The following TMTC1 variants were observed in gnomAD, a reference collection of about 807,000 sequenced individuals.
TMTC1 encodes the protein transmembrane O-mannosyltransferase targeting cadherins 1, also known as protein O-mannosyl-transferase TMTC1.
TMTC1 carries 73 observed loss-of-function variants against 104.8 expected under a neutral mutation model. The ratio of observed to expected loss-of-function variants is 0.70; its 90% CI spans 0.58 to 0.85. TMTC1 has a LOEUF of 0.85. TMTC1 is among the 40% of genes least tolerant of loss of function. TMTC1 has a pLI of 0.00. For missense variants in TMTC1, 1,035 were observed against 1,096.1 expected, an observed-to-expected ratio of 0.94 and a Z score of 0.79; for synonymous variants, 434 against 428.7, an observed-to-expected ratio of 1.01 and a Z score of -0.15.
At chr12:29,768,515 T>C (rs1193701981) in intron 1 of TMTC1, among the ~76,000 whole-genome samples, 1 of 152,164 alleles carries the variant, frequency 6.6e-6, no homozygotes, top group East Asian at 1.9e-4. Context: ...ACTACGATTA[T>C]AGTCACAGTT....
intron 7 of TMTC1, among the ~76,000 whole-genome samples, chr12:29,590,857 T>A (rs1398965407): frequency 6.6e-6 from 1 of 152,158 alleles, no homozygotes; most frequent in Non-Finnish European, 1.5e-5. Context: ...TTGGAGTGTG[T>A]AAATTCAGGG....
chr12:29,517,384 C>T, intron 14 of TMTC1, 43 bp downstream of exon 14: 4 of 1,611,640 alleles, frequency 2.5e-6, no homozygotes, highest in Non-Finnish European at 3.4e-6. Context: ...CTATGGCTGC[C>T]TGTGCTTAGG....
intron 5 of TMTC1, among the ~76,000 whole-genome samples, chr12:29,712,310 T>A (rs576409448): frequency 6.6e-6 from 1 of 152,312 alleles, no homozygotes; most frequent in Non-Finnish European, 1.5e-5. Flanking sequence ...CAAGAAAACA[T>A]CTAACCACAA....
chr12:29,708,431 C>T (rs939195053), intron 5 of TMTC1, among the ~76,000 whole-genome samples: 6 of 152,150 alleles, frequency 3.9e-5, no homozygotes, highest in African/African-American at 4.8e-5. Flanking sequence ...AATAATTTGT[C>T]GAAGTCACTT....
intron 5 of TMTC1, among the ~76,000 whole-genome samples, chr12:29,674,559 C>T (rs1238021055): frequency 2.0e-5 from 3 of 152,216 alleles, no homozygotes; most frequent in African/African-American, 7.2e-5. Flanking sequence ...GAAGACAAAG[C>T]TATAATTCAG....
At chr12:29,660,937 T>A (rs932900813) in intron 5 of TMTC1, 1 of 1,124,860 alleles carries the variant, frequency 8.9e-7, no homozygotes, top group Non-Finnish European at 1.2e-6. Flanking sequence ...CCAGACACAA[T>A]GTTCTCCTTT....
chr12:29,707,555 C>T (rs1941782499), intron 5 of TMTC1, among the ~76,000 whole-genome samples: 1 of 152,124 alleles, frequency 6.6e-6, no homozygotes, highest in Admixed American at 6.6e-5. Flanking sequence ...CTTCTGATAG[C>T]CACTAGCCCT....
At chr12:29,689,145 A>G (rs78222999) in intron 5 of TMTC1, among the ~76,000 whole-genome samples, 21,056 of 150,494 alleles carry the variant, frequency 0.14, 1,739 homozygotes, top group East Asian at 0.34. Flanking sequence ...GAGAACTTGA[A>G]GAAACTTGGC....
At chr12:29,763,360 C>G (rs441394) in intron 2 of TMTC1, among the ~76,000 whole-genome samples, 133,811 of 152,234 alleles carry the variant, frequency 0.88, 60,225 homozygotes, top group East Asian at 0.99. Flanking sequence ...GGGGCAAAAG[C>G]CTAGATATCT....
chr12:29,711,689 A>G (rs955362538), intron 5 of TMTC1, among the ~76,000 whole-genome samples: 9 of 152,140 alleles, frequency 5.9e-5, no homozygotes, highest in African/African-American at 1.9e-4. Context: ...ATTAATTGGC[A>G]AAGAGCTCTG....
At chr12:29,518,793 C>T (rs1436894311) in intron 12 of TMTC1, among the ~76,000 whole-genome samples, 186 bp from the exon 13 acceptor site, 1 of 152,214 alleles carries the variant, frequency 6.6e-6, no homozygotes, top group Non-Finnish European at 1.5e-5. Flanking sequence ...TGAACAATTT[C>T]ACTGTTCATT....
intron 7 of TMTC1, among the ~76,000 whole-genome samples, chr12:29,584,717 G>A (rs1285866547): frequency 6.6e-6 from 1 of 151,950 alleles, no homozygotes; most frequent in African/African-American, 2.4e-5. Flanking sequence ...CTGATAGTTT[G>A]CTGAGAATGA....
At position 29,776,477 on chromosome 12, in the gene TMTC1, A is replaced by G. The variant is rs138800443; in HGVS notation, c.302+6973T>C. ...TAAACCAAGCAGACTTTTTCTCTAC[A>G]TTATAATCATGTAGCCTTACCTTAG... is the stretch of plus-strand genomic sequence containing the variant. On this transcript the variant is annotated intron_variant, in intron 1 of 17. Transcript: ENST00000539277. 7.0e-3 allele frequency among the ~76,000 whole-genome samples: 1,070 copies of G among 152,368 alleles called. 3 individuals are homozygous for G. Among genetic ancestry groups the G allele is most frequent in the Non-Finnish European group, 0.012 (808 of 68,042 alleles).
chr12:29,765,756 T>A (rs1350651129), intron 2 of TMTC1, among the ~76,000 whole-genome samples: 3 of 152,206 alleles, frequency 2.0e-5, no homozygotes. Context: ...ATCTTACCTT[T>A]TGTTAGACTA....
At chr12:29,685,741 A>G (rs950146762) in intron 5 of TMTC1, among the ~76,000 whole-genome samples, 1 of 152,102 alleles carries the variant, frequency 6.6e-6, no homozygotes, top group Non-Finnish European at 1.5e-5. Flanking sequence ...GTAATTTGCT[A>G]TTTATTCTGA....
intron 5 of TMTC1, among the ~76,000 whole-genome samples, chr12:29,724,969 G>A (rs530116065): frequency 6.9e-6 from 1 of 145,658 alleles, no homozygotes; most frequent in South Asian, 2.2e-4. Flanking sequence ...TATTACAAAT[G>A]ATAACCAAAA....
intron 10 of TMTC1, among the ~76,000 whole-genome samples, chr12:29,550,248 TAA>T (rs1296996887): frequency 1.3e-5 from 2 of 152,102 alleles, no homozygotes; most frequent in African/African-American, 4.8e-5. Flanking sequence ...TAAATGTTGG[TAA>T]AAGTGTGAAA....
chr12:29,753,824 T>G (rs907974941), intron 4 of TMTC1, among the ~76,000 whole-genome samples: 1 of 152,178 alleles, frequency 6.6e-6, no homozygotes, highest in African/African-American at 2.4e-5. Context: ...AAAGAATGAA[T>G]GCCTCCACTT....
chr12:29,762,320 T>A (rs1943370276), intron 2 of TMTC1, among the ~76,000 whole-genome samples: 1 of 152,202 alleles, frequency 6.6e-6, no homozygotes, highest in Non-Finnish European at 1.5e-5. Flanking sequence ...ATTCATGAGA[T>A]GATATATACA....
Sources: allele counts gnomAD v4.1 joint callset (sites outside exome capture counted in the v4.1 genomes callset), GRCh38; gene constraint gnomAD v4.1.1; transcripts MANE v1.5; gene names NCBI Gene and HGNC (gene_info 2026-07-23, HGNC 2026-07-21).